The following PAQR5 variants were observed in gnomAD, a reference collection of about 807,000 sequenced individuals.
PAQR5 encodes membrane progestin receptor gamma.
Under a neutral mutation model 34.5 loss-of-function variants are expected in PAQR5, and 20 were observed. The ratio of observed to expected loss-of-function variants is 0.58; its 90% CI spans 0.41 to 0.84. The LOEUF (loss-of-function observed/expected upper bound fraction) is 0.84. PAQR5 is among the 40% of genes least tolerant of loss of function. The pLI, the probability that PAQR5 is intolerant of heterozygous loss-of-function variation, is 0.00. For missense variants in PAQR5, 378 were observed against 412.7 expected, an observed-to-expected ratio of 0.92 and a Z score of 0.73; for synonymous variants, 131 against 155.6, an observed-to-expected ratio of 0.84 and a Z score of 1.18.
chr15:69,315,949 C>T (rs780332802), intron 1 of PAQR5, among the ~76,000 whole-genome samples: 83 of 152,256 alleles, frequency 5.5e-4, no homozygotes, highest in Middle Eastern at 6.8e-3. Flanking sequence ...CAGCCTGGAG[C>T]CTCAGAGGTG....
chr15:69,333,877 G>T (rs2054448628), intron 1 of PAQR5, among the ~76,000 whole-genome samples: 1 of 150,974 alleles, frequency 6.6e-6, no homozygotes, highest in Non-Finnish European at 1.5e-5. Context: ...CATATGTGTT[G>T]TGTGTGTGTG....
At chr15:69,335,759 G>A (rs2054502433) in intron 1 of PAQR5, among the ~76,000 whole-genome samples, 1 of 152,082 alleles carries the variant, frequency 6.6e-6, no homozygotes, top group Middle Eastern at 3.4e-3. Flanking sequence ...CTGGGTCTGT[G>A]TGTCCGAATA....
chr15:69,361,535 A>G (rs1027776708), intron 3 of PAQR5, among the ~76,000 whole-genome samples: 11 of 152,166 alleles, frequency 7.2e-5, no homozygotes, highest in African/African-American at 2.7e-4. Flanking sequence ...GGTCTAATTG[A>G]CTCACAGTTC....
At chr15:69,333,225 C>T (rs529668771) in intron 1 of PAQR5, among the ~76,000 whole-genome samples, 4 of 152,114 alleles carry the variant, frequency 2.6e-5, no homozygotes, top group African/African-American at 9.6e-5. Context: ...GAGGAGGCAC[C>T]ACGAACCCCG....
At chr15:69,301,004 T>C (rs1244056759) in intron 1 of PAQR5, among the ~76,000 whole-genome samples, 2 of 129,366 alleles carry the variant, frequency 1.5e-5, no homozygotes, top group Non-Finnish European at 3.2e-5. Context: ...TCTTTCTTTC[T>C]TTCTTTCTTC....
intron 3 of PAQR5, among the ~76,000 whole-genome samples, chr15:69,375,827 TCCTACTCTGCC>T (rs1165424497): frequency 5.9e-5 from 9 of 152,340 alleles, no homozygotes; most frequent in African/African-American, 1.7e-4. Flanking sequence ...GGTCCCCTGA[TCCTACTCTGCC>T]TCTTCTCTTT....
chr15:69,325,187 C>A (rs1160466466), intron 1 of PAQR5, among the ~76,000 whole-genome samples: 1 of 152,202 alleles, frequency 6.6e-6, no homozygotes, highest in African/African-American at 2.4e-5. Context: ...GCGTGAGCCA[C>A]CGCGCCTGGC....
At chr15:69,316,114 C>T (rs539554562) in intron 1 of PAQR5, among the ~76,000 whole-genome samples, 67 of 152,212 alleles carry the variant, frequency 4.4e-4, no homozygotes, top group African/African-American at 1.5e-3. Flanking sequence ...CAGAGTCTCC[C>T]TCTGTTGCCA....
chr15:69,322,446 A>G (rs1452759651), intron 1 of PAQR5, among the ~76,000 whole-genome samples: 5 of 148,832 alleles, frequency 3.4e-5, no homozygotes. Context: ...TCCAGCCTGG[A>G]TGACAGAGGG....
At chr15:69,333,129 C>T (rs1440252700) in intron 1 of PAQR5, among the ~76,000 whole-genome samples, 2 of 151,806 alleles carry the variant, frequency 1.3e-5, no homozygotes, top group African/African-American at 4.8e-5. Context: ...TATTTTTTTC[C>T]ATTTTTTTTT....
intron 1 of PAQR5, among the ~76,000 whole-genome samples, chr15:69,321,457 T>C (rs1346158372): frequency 6.6e-6 from 1 of 152,228 alleles, no homozygotes; most frequent in Non-Finnish European, 1.5e-5. Context: ...ATTACTTCAG[T>C]ATACATCTCC....
intron 1 of PAQR5, among the ~76,000 whole-genome samples, chr15:69,310,338 G>C (rs1308463745): frequency 6.6e-6 from 1 of 152,174 alleles, no homozygotes; most frequent in Non-Finnish European, 1.5e-5. Context: ...TGTCCATAGA[G>C]TTTGTAAGAA....
intron 2 of PAQR5, among the ~76,000 whole-genome samples, chr15:69,349,644 T>A (rs540173694): frequency 3.3e-5 from 5 of 151,930 alleles, no homozygotes; most frequent in East Asian, 1.9e-4. Flanking sequence ...ATTTTTATTT[T>A]TTTTTTTATT....
chr15:69,382,978 T>C (rs2055954199), intron 4 of PAQR5: 1 of 151,394 alleles, frequency 6.6e-6, no homozygotes, highest in Admixed American at 6.6e-5. Flanking sequence ...TGGGAGGTAA[T>C]GAGCCCCCCA....
chr15:69,372,188 T>A (rs1333117528), intron 3 of PAQR5, among the ~76,000 whole-genome samples: 1 of 152,224 alleles, frequency 6.6e-6, no homozygotes, highest in African/African-American at 2.4e-5. Flanking sequence ...TCAAGCCACC[T>A]TACATGTTCG....
intron 1 of PAQR5, among the ~76,000 whole-genome samples, chr15:69,299,578 T>C (rs1018382920): frequency 5.3e-5 from 8 of 152,130 alleles, no homozygotes; most frequent in African/African-American, 1.7e-4. Flanking sequence ...CCTGTTGAAG[T>C]GGGTGCCCAG....
intron 1 of PAQR5, among the ~76,000 whole-genome samples, chr15:69,319,582 A>G (rs1197743077): frequency 6.6e-6 from 1 of 152,006 alleles, no homozygotes. Flanking sequence ...GGGTTCTGAC[A>G]AGCCAGGTTT....
chr15:69,404,048 C>T lies in PAQR5; in HGVS notation c.*226C>T. The T allele has an allele frequency of 2.1e-6, 1 of 485,800 alleles. No individual in the cohort carries two copies. Among genetic ancestry groups the T allele is most frequent in the East Asian group, 3.4e-5 (1 of 29,364 alleles). The allele number at this position is 485,800 out of a possible 1,614,324, so 30.1% of individuals were successfully genotyped here. On this transcript the variant is annotated 3_prime_UTR_variant, in exon 9 of 9. Transcript: ENST00000395407. Reference sequence around the variant, plus strand: ...AAGGAGAATATGGTTCAAGCAAGTCCTTGTTAAGGCAAACTATTGATATTT... The same window carrying T: ...AAGGAGAATATGGTTCAAGCAAGTCTTTGTTAAGGCAAACTATTGATATTT...
intron 1 of PAQR5, among the ~76,000 whole-genome samples, chr15:69,315,550 C>A (rs1017861709): frequency 1.3e-5 from 2 of 152,032 alleles, no homozygotes; most frequent in African/African-American, 4.8e-5. Flanking sequence ...TCTTACCCAG[C>A]CTTACCTTCT....
Sources: gnomAD v4.1 joint callset for allele counts (sites outside exome capture counted in the v4.1 genomes callset) on GRCh38, gnomAD v4.1.1 for gene constraint, MANE v1.5 for transcripts, NCBI Gene and HGNC (gene_info 2026-07-23, HGNC 2026-07-21) for gene names.